EVPLL: variants seen among roughly 807,000 people sequenced by gnomAD.
The protein encoded by EVPLL is envoplakin like, also known as envoplakin-like protein.
Under a neutral mutation model 46.2 loss-of-function variants are expected in EVPLL, and 39 were observed. That is an observed-to-expected ratio of 0.84 (90% CI 0.65 to 1.10). EVPLL has a LOEUF of 1.10. EVPLL is among the 50% of genes least tolerant of loss of function. EVPLL has a pLI of 0.00. For missense variants in EVPLL, 385 were observed against 412.6 expected (o/e 0.93, Z 0.58); for synonymous variants, 156 against 165.8 (o/e 0.94, Z 0.46).
chr17:18,384,887 C>T (rs1418949083), intron 9 of EVPLL, among the ~76,000 whole-genome samples: 2 of 152,040 alleles, frequency 1.3e-5, no homozygotes, highest in East Asian at 1.9e-4. Flanking sequence ...GGCTTCAGCT[C>T]GTCTGCAGAG....
At position 18,381,414 on chromosome 17, in the gene EVPLL, G is replaced by A; in HGVS notation, c.111G>A (p.Glu37=). Residue 37 remains glutamate, a synonymous_variant, in exon 3 of 11, where the codon GAG becomes GAA. Transcript: ENST00000399134. The surrounding 1 kb of genome is among the most constrained non-coding windows in gnomAD (Gnocchi z 4.2). ...GCCAGGCCCTGCAGCACCAGCAGGA[G>A]ACGGGCAGCAGCCTGAAGGAGGCCG... The part of the protein sequence containing the change: ...EQSQALQHQQ[E]TGSSLKEAEV... 2 of 1,604,902 alleles carry A rather than the reference G, an allele frequency of 1.2e-6. No homozygotes were observed. The highest frequency in any genetic ancestry group is 1.7e-6 in the Non-Finnish European group (2 of 1,176,338).
chr17:18,387,247 G>C (rs1378007020), intron 9 of EVPLL, among the ~76,000 whole-genome samples: 1 of 151,724 alleles, frequency 6.6e-6, no homozygotes, highest in East Asian at 1.9e-4. Context: ...GTTTAAGAAA[G>C]GGATCCTTTG....
Position 18,381,289 on chromosome 17 carries a change from G to A in EVPLL, c.64-78G>A, listed in dbSNP as rs1216992973. ...AGCATAGCTGGGGTCCCAAAGGTGGGGCTCAGGCCCACAATGATGGGCAGC... is the reference window on the plus strand; with the variant it reads ...AGCATAGCTGGGGTCCCAAAGGTGGAGCTCAGGCCCACAATGATGGGCAGC... On this transcript the variant is annotated intron_variant, in intron 2 of 10. Coordinates refer to ENST00000399134, the MANE Select transcript of EVPLL (RefSeq NM_001145127.2). The surrounding 1 kb of genome is among the most constrained non-coding windows in gnomAD (Gnocchi z 4.2). 1.4e-6 allele frequency: 2 copies of A among 1,469,554 alleles called. No homozygotes were observed. The highest frequency in any genetic ancestry group is 1.4e-5 in the South Asian group (1 of 71,900). The allele number at this position is 1,469,554 out of a possible 1,614,324, so 91.0% of individuals were successfully genotyped here. A position where few individuals can be genotyped will look rare whatever the true frequency, so the allele number is the denominator to read the frequency against.
intron 8 of EVPLL, 52 bp from the exon 9 acceptor site, chr17:18,383,440 C>CCG: frequency 4.5e-6 from 2 of 449,334 alleles, no homozygotes; most frequent in Non-Finnish European, 3.6e-6. Context: ...GGGGGGTGGA[C>CCG]GTGGGTGCGG....
chr17:18,384,996 T>A (rs946998530), intron 9 of EVPLL, among the ~76,000 whole-genome samples: 3 of 147,712 alleles, frequency 2.0e-5, no homozygotes, highest in Admixed American at 2.0e-4. Context: ...GAAACAGAGA[T>A]GGGGAAAGGG....
chr17:18,382,670 G>GCCAGCC, intron 5 of EVPLL, 32 bp downstream of exon 5: 1 of 1,551,976 alleles, frequency 6.4e-7, no homozygotes, highest in South Asian at 1.2e-5. Flanking sequence ...TACATCCGGG[G>GCCAGCC]CCAGCCCCAG....
Position 18,377,856 on chromosome 17 carries a change from C to T in EVPLL, c.-164C>T, listed in dbSNP as rs544066661. 1.9e-5 allele frequency: 17 copies of T among 872,214 alleles called. No homozygotes were observed. The Admixed American group carries it at 4.0e-4, about 21-fold the overall frequency. The allele number at this position is 872,214 out of a possible 1,614,324, so 54.0% of individuals were successfully genotyped here. On this transcript the variant is annotated 5_prime_UTR_variant, in exon 1 of 11. Transcript: ENST00000399134. ...CCTGCCCTCCTTCACCAGCCAAGCCCAGCCTGAGCCAGCACCTGCCTTTAT... is the reference window on the plus strand; with the variant it reads ...CCTGCCCTCCTTCACCAGCCAAGCCTAGCCTGAGCCAGCACCTGCCTTTAT...
At chr17:18,385,950 T>C (rs1286357845) in intron 9 of EVPLL, among the ~76,000 whole-genome samples, 2 of 152,200 alleles carry the variant, frequency 1.3e-5, no homozygotes, top group Non-Finnish European at 1.5e-5. Flanking sequence ...TTGGGAGGTA[T>C]AGACAGGAAG....
intron 9 of EVPLL, among the ~76,000 whole-genome samples, chr17:18,384,342 G>A (rs528384649): frequency 1.9e-4 from 29 of 151,558 alleles, no homozygotes; most frequent in Non-Finnish European, 3.8e-4. Context: ...ATGGTGGCTC[G>A]TGCCTATTGC....
intron 1 of EVPLL, 67 bp from the exon 2 acceptor site, chr17:18,380,835 G>A (rs551385806): frequency 3.3e-5 from 45 of 1,376,284 alleles, no homozygotes; most frequent in African/African-American, 1.9e-4. Context: ...GGCAGGGGAC[G>A]CCACCTGGAT....
chr17:18,382,629 G>T lies in EVPLL; in HGVS notation c.463G>T (p.Gly155Cys). 1.3e-6 allele frequency: 2 copies of T among 1,552,062 alleles called. No homozygotes were observed. The highest frequency in any genetic ancestry group is 1.4e-5 in the African/African-American group (1 of 73,204). Residue 155 changes from glycine to cysteine, a missense_variant, in exon 5 of 11, where the codon GGT (glycine) becomes TGT (cysteine). Gly to Cys is a radical substitution (Grantham distance 159). Coordinates refer to ENST00000399134, the MANE Select transcript of EVPLL (RefSeq NM_001145127.2). ...QRPRRAAAEPGGAGCRHHPEP... is the reference protein window; with the variant it reads ...QRPRRAAAEPCGAGCRHHPEP... Reference sequence around the variant, plus strand: ...ACCAAGGAGAGCAGCTGCGGAGCCTGGTGGGGCCGGTGGGTGAGCCGGGAA... The same window carrying T: ...ACCAAGGAGAGCAGCTGCGGAGCCTTGTGGGGCCGGTGGGTGAGCCGGGAA...
At chr17:18,383,844 G>C (rs568005269) in intron 9 of EVPLL, 1 of 440,472 alleles carries the variant, frequency 2.3e-6, no homozygotes, top group African/African-American at 2.0e-5. Context: ...GTGGTGGCAC[G>C]CGCCTGTAAT....
At chr17:18,383,930 T>C (rs1598098322) in intron 9 of EVPLL, among the ~76,000 whole-genome samples, 1 of 151,846 alleles carries the variant, frequency 6.6e-6, no homozygotes. Flanking sequence ...CCGAGAATGG[T>C]CCACTGCATT....
chr17:18,388,382 G>GGCCGGTCACCCTGCTGCCTCTGT (rs1203811191), intron 10 of EVPLL, 94 bp downstream of exon 10: 1 of 677,888 alleles, frequency 1.5e-6, no homozygotes, highest in Non-Finnish European at 2.6e-6. Context: ...AAGGGTTCTG[G>GGCCGGTCACCCTGCTGCCTCTGT]GCCGGTCACC....
intron 1 of EVPLL, 58 bp from the exon 2 acceptor site, chr17:18,380,844 A>T (rs2151627150): frequency 1.4e-6 from 2 of 1,442,754 alleles, no homozygotes; most frequent in Non-Finnish European, 1.9e-6. Context: ...CGCCACCTGG[A>T]TGGGGCACAG....
At chr17:18,380,609 G>A (rs2064486249) in intron 1 of EVPLL, 2 of 280,186 alleles carry the variant, frequency 7.1e-6, no homozygotes, top group Non-Finnish European at 1.4e-5. Flanking sequence ...GGTGGGGTCG[G>A]GAACTCACTG....
At chr17:18,378,435 A>T (rs1041965239) in intron 1 of EVPLL, among the ~76,000 whole-genome samples, 11 of 151,842 alleles carry the variant, frequency 7.2e-5, no homozygotes, top group Non-Finnish European at 1.6e-4. Context: ...TCCCTGGGGT[A>T]GGGATGCAGG....
intron 1 of EVPLL, chr17:18,380,389 G>A (rs1669673821): frequency 6.5e-6 from 1 of 154,782 alleles, no homozygotes; most frequent in African/African-American, 2.4e-5. Flanking sequence ...ACAGTGTGAG[G>A]CTCCTCTAGA....
Position 18,381,435 on chromosome 17 carries a change from G to A in EVPLL, c.132G>A (p.Glu44=), listed in dbSNP as rs1169912763. Residue 44 remains glutamate, a synonymous_variant, in exon 3 of 11, where the codon GAG becomes GAA. Coordinates refer to ENST00000399134, the MANE Select transcript of EVPLL (RefSeq NM_001145127.2). The surrounding 1 kb of genome is among the most constrained non-coding windows in gnomAD (Gnocchi z 4.2). ...HQQETGSSLK[E]AEVLLKDLFL... ...AGGAGACGGGCAGCAGCCTGAAGGAGGCCGAGGTGCTGCTCAAGGACCTCT... is the reference window on the plus strand; with the variant it reads ...AGGAGACGGGCAGCAGCCTGAAGGAAGCCGAGGTGCTGCTCAAGGACCTCT... 5 of 1,612,026 alleles carry A rather than the reference G, an allele frequency of 3.1e-6. No individual in the cohort carries two copies. Among genetic ancestry groups the A allele is most frequent in the Admixed American group, 3.3e-5 (2 of 59,872 alleles).
Sources: allele counts gnomAD v4.1 joint callset (sites outside exome capture counted in the v4.1 genomes callset), GRCh38; gene constraint gnomAD v4.1.1; non-coding constraint Gnocchi (gnomAD v3.1); transcripts MANE v1.5; gene names NCBI Gene and HGNC (gene_info 2026-07-23, HGNC 2026-07-21).